Variants in PRDX1 observed in about 807,000 individuals in gnomAD.
PRDX1 encodes peroxiredoxin 1.
A neutral mutation model predicts 20.7 loss-of-function variants in PRDX1; 19 were observed. The observed-to-expected ratio is 0.92, with a 90% CI of 0.64 to 1.35. The LOEUF (loss-of-function observed/expected upper bound fraction) is 1.35, where lower values mean the gene tolerates loss of function less well. Among genes scored for constraint, PRDX1 ranks in the 40% most tolerant of loss-of-function variants. PRDX1 has a pLI of 0.00. For synonymous variants in PRDX1, 89 were observed against 83.9 expected, an observed-to-expected ratio of 1.06 and a Z score of -0.33; for missense variants, 226 against 240.0, an observed-to-expected ratio of 0.94 and a Z score of 0.38.
chr1:45,517,552 C>A (rs1643871977), intron 2 of PRDX1, among the ~76,000 whole-genome samples: 1 of 152,116 alleles, frequency 6.6e-6, no homozygotes, highest in Admixed American at 6.6e-5. Flanking sequence ...GAGGCCAAGG[C>A]AGGCGGATCA....
chr1:45,522,746 T>C (rs1278954220), upstream of PRDX1: 1 of 152,152 alleles, frequency 6.6e-6, no homozygotes, highest in African/African-American at 2.4e-5. Context: ...TTTGTTCTAT[T>C]CCACATTTTT....
chr1:45,511,125 C>T lies in PRDX1; in HGVS notation c.*204G>A, dbSNP rs569409261. The stretch of plus-strand genomic sequence containing the variant: ...CTAATACATCATACAAACCAGTAGC[C>T]TGCCCACAACGCCAACTCAGGCCAT... On this transcript the variant is annotated 3_prime_UTR_variant, in exon 6 of 6. Coordinates refer to ENST00000319248, the MANE Select transcript of PRDX1 (RefSeq NM_181697.3). 144 of 504,722 alleles carry T rather than the reference C, an allele frequency of 2.9e-4. 1 individual carries two copies. The highest frequency in any genetic ancestry group is 4.2e-5 in the Non-Finnish European group (12 of 285,312). The allele number at this position is 504,722 out of a possible 1,614,324, so 31.3% of individuals were successfully genotyped here. A position where few individuals can be genotyped will look rare whatever the true frequency, so the allele number is the denominator to read the frequency against.
intron 2 of PRDX1, among the ~76,000 whole-genome samples, chr1:45,517,332 T>C (rs1041256371): frequency 2.0e-5 from 3 of 152,186 alleles, no homozygotes; most frequent in African/African-American, 7.2e-5. Flanking sequence ...GGACTAATGC[T>C]ACACCACTGA....
Position 45,518,960 on chromosome 1 carries a change from A to T in PRDX1, c.84T>A (p.Asp28Glu). 1 of 1,604,148 alleles carries T rather than the reference A, an allele frequency of 6.2e-7. No individual in the cohort carries two copies. Among genetic ancestry groups the T allele is most frequent in the Non-Finnish European group, 8.5e-7 (1 of 1,175,706 alleles). The change falls in exon 2 of 6, where the codon GAT becomes GAA. Residue 28 changes from aspartate to glutamate, a missense_variant. Asp to Glu is a conservative substitution (Grantham distance 45, BLOSUM62 2). Transcript: ENST00000319248. Reference sequence around the variant, plus strand: ...CACCTTTGTAGTCAGACAGGCTGATATCTTTAAACTGACCATCTGGCATAA... The same window carrying T: ...CACCTTTGTAGTCAGACAGGCTGATTTCTTTAAACTGACCATCTGGCATAA... ...TAVMPDGQFK[D>E]ISLSDYKGKY... is the part of the protein sequence containing the mutation.
chr1:45,515,219 T>C (rs1643836814), intron 3 of PRDX1, among the ~76,000 whole-genome samples: 1 of 152,030 alleles, frequency 6.6e-6, no homozygotes, highest in South Asian at 2.1e-4. Flanking sequence ...ATGAGAGCAA[T>C]AAGAGAAAGT....
At chr1:45,518,686 A>G (rs1300093421) in intron 2 of PRDX1, among the ~76,000 whole-genome samples, 1 of 152,112 alleles carries the variant, frequency 6.6e-6, no homozygotes. Flanking sequence ...GACGAGGAAT[A>G]CTGAAAAGAT....
chr1:45,515,594 ATCTC>A, intron 3 of PRDX1, 56 bp downstream of exon 3: 1 of 1,232,960 alleles, frequency 8.1e-7, no homozygotes, highest in Non-Finnish European at 1.1e-6. Context: ...GCAAGACTCC[ATCTC>A]AAAAAAAAAA....
intron 5 of PRDX1, among the ~76,000 whole-genome samples, chr1:45,514,094 G>A (rs574238414): frequency 8.5e-4 from 130 of 152,202 alleles, no homozygotes; most frequent in Non-Finnish European, 1.2e-3. Flanking sequence ...CAGGGGTGGA[G>A]GTGGGACATG....
rs1643818882 is a variant in PRDX1, at chr1:45,514,388, C to T, written c.514+119G>A. The T allele has an allele frequency of 4.7e-6, 6 of 1,274,242 alleles. No individual in the cohort carries two copies. In the South Asian group the frequency reaches 8.2e-5, roughly 18 times the overall value. 78.9% of individuals were successfully genotyped at this position (1,274,242 alleles called of 1,614,324 possible). A position where few individuals can be genotyped will look rare whatever the true frequency, so the allele number is the denominator to read the frequency against. On this transcript the variant is annotated intron_variant, in intron 5 of 5. Transcript: ENST00000319248. ...CCTTATTTCTTTCTCTATACTTTGT[C>T]TACGTGTCTTTTTCCAAGTCTCTCA...
chr1:45,517,801 AAAAC>A (rs1643874614), intron 2 of PRDX1, among the ~76,000 whole-genome samples: 1 of 148,376 alleles, frequency 6.7e-6, no homozygotes, highest in Non-Finnish European at 1.5e-5. Flanking sequence ...AAAAAAAAAA[AAAAC>A]TATGACAACA....
At chr1:45,515,622 A>AAAAAAAAAAAAAAAAT in intron 3 of PRDX1, 32 bp downstream of exon 3, 1 of 1,339,164 alleles carries the variant, frequency 7.5e-7, no homozygotes, top group Non-Finnish European at 1.0e-6. Flanking sequence ...AAAAAAAAAA[A>AAAAAAAAAAAAAAAAT]GTTCACATGC....
intron 2 of PRDX1, among the ~76,000 whole-genome samples, chr1:45,517,781 C>CA (rs59782906): frequency 4.4e-4 from 37 of 84,264 alleles, no homozygotes; most frequent in African/African-American, 8.6e-4. Context: ...GACTCCGTCT[C>CA]AAAAAAAAAA....
In PRDX1 at chr1:45,511,119, A is replaced by G; in HGVS notation, c.*210T>C. ...GCTCTACTAATACATCATACAAACC[A>G]GTAGCCTGCCCACAACGCCAACTCA... On this transcript the variant is annotated 3_prime_UTR_variant, in exon 6 of 6. Coordinates refer to ENST00000319248, the MANE Select transcript of PRDX1 (RefSeq NM_181697.3). 1 of 489,970 alleles carries G rather than the reference A, an allele frequency of 2.0e-6. No homozygotes were observed. The highest frequency in any genetic ancestry group is 3.6e-6 in the Non-Finnish European group (1 of 276,510). The allele number at this position is 489,970 out of a possible 1,614,324, so 30.4% of individuals were successfully genotyped here.
intron 2 of PRDX1, among the ~76,000 whole-genome samples, chr1:45,517,664 C>A (rs1238350798): frequency 6.6e-6 from 1 of 151,844 alleles, no homozygotes; most frequent in Non-Finnish European, 1.5e-5. Context: ...CGCCTGTAGT[C>A]CCAGCTACTC....
intron 5 of PRDX1, chr1:45,513,207 T>TA (rs2149326676): frequency 6.6e-6 from 1 of 152,308 alleles, no homozygotes; most frequent in East Asian, 1.9e-4. Flanking sequence ...TAAAGTTATT[T>TA]AAAAAATGGC....
At position 45,514,949 on chromosome 1, in the gene PRDX1, G is replaced by A; in HGVS notation, c.307C>T (p.Pro103Ser). ...KQGGLGPMNI[P>S]LVSDPKRTIA... is the part of the protein sequence containing the mutation. Reference sequence around the variant, plus strand: ...GTGCGCTTCGGGTCTGATACCAAAGGAATGTTCATGGGTCCCAGTCCTCCT... The same window carrying A: ...GTGCGCTTCGGGTCTGATACCAAAGAAATGTTCATGGGTCCCAGTCCTCCT... Residue 103 changes from proline (P) to serine (S), a missense_variant, in exon 4 of 6, where the codon CCT becomes TCT. Coordinates refer to ENST00000319248, the MANE Select transcript of PRDX1 (RefSeq NM_181697.3). 1 of 1,614,202 alleles carries A rather than the reference G, an allele frequency of 6.2e-7. No homozygotes were observed. The highest frequency in any genetic ancestry group is 8.5e-7 in the Non-Finnish European group (1 of 1,180,032).
At chr1:45,517,567 G>A (rs1643872024) in intron 2 of PRDX1, among the ~76,000 whole-genome samples, 1 of 151,974 alleles carries the variant, frequency 6.6e-6, no homozygotes, top group African/African-American at 2.4e-5. Context: ...GGATCACAAG[G>A]TCAGGAGATC....
intron 2 of PRDX1, among the ~76,000 whole-genome samples, chr1:45,516,519 G>A (rs924186515): frequency 3.9e-5 from 6 of 152,104 alleles, no homozygotes; most frequent in Non-Finnish European, 5.9e-5. Flanking sequence ...GAGACAGAGA[G>A]AGACAGAAAA....
chr1:45,518,238 G>A (rs1180444214), intron 2 of PRDX1, among the ~76,000 whole-genome samples: 2 of 151,786 alleles, frequency 1.3e-5, no homozygotes, highest in Admixed American at 1.3e-4. Flanking sequence ...CGAGGTGGGC[G>A]GATCATCTGA....
Sources: gnomAD v4.1 joint callset for allele counts (sites outside exome capture counted in the v4.1 genomes callset) on GRCh38, gnomAD v4.1.1 for gene constraint, MANE v1.5 for transcripts, NCBI Gene and HGNC (gene_info 2026-07-23, HGNC 2026-07-21) for gene names.